Variants in WDR59 observed in about 807,000 individuals in gnomAD.
The protein encoded by WDR59 is GATOR2 complex protein WDR59.
A neutral mutation model predicts 131.2 loss-of-function variants in WDR59; 100 were observed. The ratio of observed to expected loss-of-function variants is 0.76; its 90% CI spans 0.65 to 0.90. WDR59 has a LOEUF of 0.90. Ranked by LOEUF, WDR59 falls within the 40% of genes least tolerant of loss-of-function variation. The pLI is 0.00. For missense variants in WDR59, 1,203 were observed against 1,262.2 expected (o/e 0.95, Z 0.71); for synonymous variants, 601 against 466.2 (o/e 1.29, Z -3.72).
intron 8 of WDR59, among the ~76,000 whole-genome samples, chr16:74,924,896 C>T (rs2030624297): frequency 6.6e-6 from 1 of 152,088 alleles, no homozygotes; most frequent in Non-Finnish European, 1.5e-5. Context: ...GCTGGGATTA[C>T]AGGTATGAAC....
chr16:74,975,278 T>C (rs2034137538), intron 1 of WDR59, among the ~76,000 whole-genome samples: 1 of 152,028 alleles, frequency 6.6e-6, no homozygotes, highest in Non-Finnish European at 1.5e-5. Context: ...GGAGAATCGC[T>C]TGAACCCAGG....
At chr16:74,970,493 T>G (rs1261137426) in intron 1 of WDR59, among the ~76,000 whole-genome samples, 9 of 4,008 alleles carry the variant, frequency 2.2e-3, no homozygotes, top group Non-Finnish European at 0.011. Flanking sequence ...AGACTCTGTC[T>G]CCAAAAAAAA....
chr16:74,878,408 C>T (rs1320138086), intron 25 of WDR59, among the ~76,000 whole-genome samples: 1 of 152,210 alleles, frequency 6.6e-6, no homozygotes, highest in Non-Finnish European at 1.5e-5. Flanking sequence ...AATCTCAGCA[C>T]TTTGGGAGGC....
intron 8 of WDR59, among the ~76,000 whole-genome samples, chr16:74,935,167 C>T (rs34880548): frequency 0.45 from 68,063 of 151,678 alleles, 18,611 homozygotes; most frequent in Non-Finnish European, 0.62. Context: ...GAGGCAGAGG[C>T]TGCAGCGAGC....
rs942347951 is a variant in WDR59, at chr16:74,871,404, G to A, written c.*2805C>T. ...TCTATTCTGCGGCTGAGAGAATATCGGCCATGGCCCGCAACCAGACAACCA... is the reference window on the plus strand; with the variant it reads ...TCTATTCTGCGGCTGAGAGAATATCAGCCATGGCCCGCAACCAGACAACCA... On this transcript the variant is annotated 3_prime_UTR_variant, in exon 26 of 26. Transcript: ENST00000262144. 2.6e-5 allele frequency: 4 copies of A among 152,072 alleles called. No homozygotes were observed. In the South Asian group the frequency reaches 6.2e-4, roughly 24 times the overall value. The allele number at this position is 152,072 out of a possible 1,614,324, so 9.4% of individuals were successfully genotyped here.
intron 6 of WDR59, among the ~76,000 whole-genome samples, chr16:74,943,233 C>T (rs970371987): frequency 7.6e-6 from 1 of 131,574 alleles, no homozygotes; most frequent in Non-Finnish European, 1.6e-5. Flanking sequence ...GCTGTTATGC[C>T]TGCCCCCTTT....
intron 18 of WDR59, among the ~76,000 whole-genome samples, chr16:74,895,383 C>T (rs954469684): frequency 2.0e-5 from 3 of 152,116 alleles, no homozygotes; most frequent in African/African-American, 7.2e-5. Flanking sequence ...CTGCCTCAGC[C>T]TCCCGAGTAG....
intron 8 of WDR59, among the ~76,000 whole-genome samples, chr16:74,928,018 C>T (rs1294971833): frequency 2.0e-5 from 3 of 150,774 alleles, no homozygotes; most frequent in African/African-American, 7.3e-5. Flanking sequence ...AGCGAATCTC[C>T]TGCCTCAGCC....
intron 8 of WDR59, among the ~76,000 whole-genome samples, chr16:74,927,717 C>CACAA (rs1309085670): frequency 1.4e-5 from 2 of 146,314 alleles, no homozygotes; most frequent in Non-Finnish European, 3.0e-5. Flanking sequence ...CACACACACA[C>CACAA]AAAACTCAGC....
intron 6 of WDR59, among the ~76,000 whole-genome samples, chr16:74,946,788 A>C (rs1364744847): frequency 6.6e-6 from 1 of 152,174 alleles, no homozygotes; most frequent in Non-Finnish European, 1.5e-5. Context: ...TCCAGCTGCT[A>C]ATACAGTCAT....
At chr16:74,951,348 T>C (rs770755727) in intron 4 of WDR59, 110 bp downstream of exon 4, 9 of 1,079,310 alleles carry the variant, frequency 8.3e-6, no homozygotes, top group Middle Eastern at 2.8e-4. Flanking sequence ...ACCCGGGACC[T>C]GTGCAACACA....
chr16:74,875,252 T>C (rs1324841832), intron 25 of WDR59, among the ~76,000 whole-genome samples: 2 of 152,238 alleles, frequency 1.3e-5, no homozygotes, highest in Non-Finnish European at 2.9e-5. Flanking sequence ...AAACCTGCTC[T>C]ATCTACTCTG....
At chr16:74,981,687 ACT>A (rs1168345413) in intron 1 of WDR59, among the ~76,000 whole-genome samples, 1 of 91,858 alleles carries the variant, frequency 1.1e-5, no homozygotes, top group Non-Finnish European at 1.9e-5. Context: ...ATGGAGTCTC[ACT>A]CTGTCGCCCA....
chr16:74,942,688 C>T, intron 7 of WDR59, 50 bp downstream of exon 7: 2 of 1,583,594 alleles, frequency 1.3e-6, no homozygotes, highest in African/African-American at 1.3e-5. Flanking sequence ...ATCTTCACAC[C>T]CTCTGGGAGG....
At chr16:74,977,471 G>A (rs908482722) in intron 1 of WDR59, among the ~76,000 whole-genome samples, 5 of 151,994 alleles carry the variant, frequency 3.3e-5, no homozygotes, top group Non-Finnish European at 5.9e-5. Context: ...GGCAGATCAC[G>A]ATGTCAGGAG....
chr16:74,871,481 C>G lies in WDR59; in HGVS notation c.*2728G>C, dbSNP rs1964011662. The G allele has an allele frequency of 6.6e-6, 1 of 152,168 alleles. No individual in the cohort carries two copies. Among genetic ancestry groups the G allele is most frequent in the Non-Finnish European group, 1.5e-5 (1 of 68,042 alleles). The allele number at this position is 152,168 out of a possible 1,614,324, so 9.4% of individuals were successfully genotyped here. A position where few individuals can be genotyped will look rare whatever the true frequency, so the allele number is the denominator to read the frequency against. On this transcript the variant is annotated 3_prime_UTR_variant, in exon 26 of 26. Transcript: ENST00000262144. ...AAATATTAGACTTTTGTTCTGGTAA[C>G]TTGGAAATTCAAAAGGAATTTCCGT...
At chr16:74,972,480 G>A (rs934227102) in intron 1 of WDR59, among the ~76,000 whole-genome samples, 7 of 152,088 alleles carry the variant, frequency 4.6e-5, no homozygotes, top group African/African-American at 2.4e-5. Flanking sequence ...GGCATAAAAT[G>A]GAGGTAGCCT....
At chr16:74,887,338 T>C (rs1275646788) in intron 23 of WDR59, among the ~76,000 whole-genome samples, 2 of 152,248 alleles carry the variant, frequency 1.3e-5, no homozygotes, top group East Asian at 3.9e-4. Flanking sequence ...TTGTCTACAC[T>C]GAAAGCATTC....
intron 18 of WDR59, among the ~76,000 whole-genome samples, chr16:74,900,125 G>A (rs1261428404): frequency 6.6e-6 from 1 of 152,206 alleles, no homozygotes; most frequent in African/African-American, 2.4e-5. Context: ...GCAGAAGCCT[G>A]TTTTCCCCTG....
Sources: allele counts gnomAD v4.1 joint callset (sites outside exome capture counted in the v4.1 genomes callset), GRCh38; gene constraint gnomAD v4.1.1; transcripts MANE v1.5; gene names NCBI Gene and HGNC (gene_info 2026-07-23, HGNC 2026-07-21).